PDE1C: variants seen among roughly 807,000 people sequenced by gnomAD.
PDE1C encodes dual specificity calcium/calmodulin-dependent 3',5'-cyclic nucleotide phosphodiesterase 1C.
A neutral mutation model predicts 93.1 loss-of-function variants in PDE1C; 62 were observed. The ratio of observed to expected loss-of-function variants is 0.67; its 90% CI spans 0.54 to 0.82. The LOEUF is 0.82. Ranked by LOEUF, PDE1C falls within the 40% of genes least tolerant of loss-of-function variation. The probability of loss-of-function intolerance (pLI) is 0.00; values close to 1 mark genes in which losing one functional copy is unlikely to be tolerated. For synonymous variants in PDE1C, 325 were observed against 310.1 expected, an observed-to-expected ratio of 1.05 and a Z score of -0.50; for missense variants, 742 against 884.6, an observed-to-expected ratio of 0.84 and a Z score of 2.04.
At chr7:32,120,721 G>T (rs977438092) in intron 3 of PDE1C, among the ~76,000 whole-genome samples, 1 of 152,038 alleles carries the variant, frequency 6.6e-6, no homozygotes, top group African/African-American at 2.4e-5. Flanking sequence ...CCCATCCAAG[G>T]TTCAGCAGCC....
chr7:32,207,243 G>A (rs113331427), intron 2 of PDE1C, among the ~76,000 whole-genome samples: 21,951 of 150,738 alleles, frequency 0.15, 1,749 homozygotes, highest in African/African-American at 0.17. Context: ...CTGGCCACCC[G>A]CCCCCGCCAA....
chr7:32,401,013 C>T (rs1784932472), intron 1 of PDE1C, among the ~76,000 whole-genome samples: 1 of 152,252 alleles, frequency 6.6e-6, no homozygotes. Flanking sequence ...TCCTGGCATA[C>T]ATAGGCTGCC....
Position 32,226,750 on chromosome 7 carries a change from A to G in PDE1C, c.86-17211T>C, listed in dbSNP as rs148365067. Reference sequence around the variant, plus strand: ...GTATGCAGGAGCCACTGTGATCATGAGCATTGCTCTCACTGCTGCCGAAAC... The same window carrying G: ...GTATGCAGGAGCCACTGTGATCATGGGCATTGCTCTCACTGCTGCCGAAAC... On this transcript the variant is annotated intron_variant, in intron 1 of 18. Transcript: ENST00000396193. Among the ~76,000 whole-genome samples, 549 of 152,316 alleles carry G rather than the reference A, an allele frequency of 3.6e-3. 2 individuals are homozygous for G. Among genetic ancestry groups the G allele is most frequent in the Middle Eastern group, 0.014 (4 of 294 alleles).
chr7:31,655,651 T>C, the PDE1C span: 1 of 791,204 alleles, frequency 1.3e-6, no homozygotes, highest in Non-Finnish European at 1.5e-6. Flanking sequence ...GCATCATCCC[T>C]TTTTGCCACA....
chr7:32,229,090 A>C (rs2128860676), intron 1 of PDE1C, among the ~76,000 whole-genome samples: 1 of 152,312 alleles, frequency 6.6e-6, no homozygotes, highest in East Asian at 1.9e-4. Flanking sequence ...TGTAAGGGAG[A>C]GGTGCTTTGG....
At chr7:32,147,263 A>G (rs1051050045) in intron 3 of PDE1C, among the ~76,000 whole-genome samples, 44 of 87,574 alleles carry the variant, frequency 5.0e-4, no homozygotes, top group African/African-American at 1.7e-3. Context: ...AAAGAAAGAA[A>G]GAAAGAAAAA....
chr7:32,110,330 C>G (rs933412190), intron 3 of PDE1C, among the ~76,000 whole-genome samples: 1 of 152,262 alleles, frequency 6.6e-6, no homozygotes, highest in South Asian at 2.1e-4. Flanking sequence ...CTGGTGGCCT[C>G]CGTTTTTAAA....
the PDE1C span, among the ~76,000 whole-genome samples, chr7:31,671,305 ATGG>A: frequency 6.6e-6 from 1 of 152,108 alleles, no homozygotes; most frequent in South Asian, 2.1e-4. Context: ...TTCGTTCCTG[ATGG>A]CACCCAAAAG....
At chr7:31,891,762 A>G (rs1019267515) in intron 2 of PDE1C, among the ~76,000 whole-genome samples, 1 of 151,566 alleles carries the variant, frequency 6.6e-6, no homozygotes, top group Non-Finnish European at 1.5e-5. Flanking sequence ...TGGTTGTACA[A>G]ACCTACACTT....
At chr7:31,722,512 C>T in the PDE1C span, among the ~76,000 whole-genome samples, 4 of 152,136 alleles carry the variant, frequency 2.6e-5, no homozygotes, top group African/African-American at 7.2e-5. Flanking sequence ...TGTATTCATA[C>T]ACGCTTATAC....
intron 2 of PDE1C, among the ~76,000 whole-genome samples, chr7:32,196,148 G>A (rs1365905925): frequency 6.6e-6 from 1 of 152,108 alleles, no homozygotes; most frequent in African/African-American, 2.4e-5. Context: ...CCAGCTCTCT[G>A]TTTAACTTTT....
chr7:32,129,646 C>T (rs1194917917), intron 3 of PDE1C, among the ~76,000 whole-genome samples: 2 of 151,658 alleles, frequency 1.3e-5, no homozygotes, highest in Non-Finnish European at 1.5e-5. Context: ...TTTCAATTAC[C>T]TTGAGGTTAA....
chr7:32,049,424 G>A (rs1427105344), intron 2 of PDE1C, among the ~76,000 whole-genome samples: 1 of 151,926 alleles, frequency 6.6e-6, no homozygotes, highest in Non-Finnish European at 1.5e-5. Flanking sequence ...TTTGTTTTAG[G>A]CTTTTAGCAG....
At chr7:31,866,806 GGTAA>G (rs1156323905) in intron 6 of PDE1C, among the ~76,000 whole-genome samples, 1 of 152,020 alleles carries the variant, frequency 6.6e-6, no homozygotes, top group Non-Finnish European at 1.5e-5. Flanking sequence ...CGAAAAGAAA[GGTAA>G]GTGAGTGATG....
At chr7:31,945,730 G>A (rs59764228) in intron 2 of PDE1C, among the ~76,000 whole-genome samples, 5,447 of 152,060 alleles carry the variant, frequency 0.036, 113 homozygotes, top group South Asian at 0.074. Flanking sequence ...GTTTTAAAAC[G>A]TTCTCAGCTA....
intron 3 of PDE1C, among the ~76,000 whole-genome samples, chr7:32,152,434 G>T (rs1242013395): frequency 6.6e-6 from 1 of 152,162 alleles, no homozygotes; most frequent in Middle Eastern, 3.2e-3. Flanking sequence ...TAACAAAAGG[G>T]CAGGCTACCT....
intron 1 of PDE1C, among the ~76,000 whole-genome samples, chr7:32,373,500 T>C (rs1270771144): frequency 6.6e-6 from 1 of 152,238 alleles, no homozygotes; most frequent in Non-Finnish European, 1.5e-5. Context: ...TGACTGCTAA[T>C]GGATATGGGA....
At chr7:31,698,651 G>A in the PDE1C span, among the ~76,000 whole-genome samples, 6 of 152,076 alleles carry the variant, frequency 3.9e-5, no homozygotes, top group Admixed American at 3.9e-4. Flanking sequence ...TCACATCCTG[G>A]GCTCTGTTCT....
At chr7:31,906,498 C>T (rs17160672) in intron 2 of PDE1C, among the ~76,000 whole-genome samples, 26,363 of 151,884 alleles carry the variant, frequency 0.17, 2,514 homozygotes, top group Admixed American at 0.27. Context: ...GGTCTTGATA[C>T]AGGATGATAT....
Sources: gnomAD v4.1 joint callset for allele counts (sites outside exome capture counted in the v4.1 genomes callset) on GRCh38, gnomAD v4.1.1 for gene constraint, MANE v1.5 for transcripts, NCBI Gene and HGNC (gene_info 2026-07-23, HGNC 2026-07-21) for gene names.